WDR33: variants seen among roughly 807,000 people sequenced by gnomAD.
WDR33 encodes WD repeat domain 33.
A neutral mutation model predicts 164.9 loss-of-function variants in WDR33; 47 were observed. The observed-to-expected ratio is 0.29, with a 90% CI of 0.23 to 0.36. The LOEUF (loss-of-function observed/expected upper bound fraction) is 0.36. WDR33 is among the 10% of genes least tolerant of loss of function. The pLI, the probability that WDR33 is intolerant of heterozygous loss-of-function variation, is 1.00. For missense variants in WDR33, 1,137 were observed against 1,754.1 expected, an observed-to-expected ratio of 0.65 and a Z score of 6.28; for synonymous variants, 505 against 589.0, an observed-to-expected ratio of 0.86 and a Z score of 2.06.
rs1037537741 is a variant in WDR33, at chr2:127,717,714, C to T, written c.2761-451G>A. On this transcript the variant is annotated intron_variant, in intron 16 of 21. Transcript: ENST00000322313. This position sits in a 1 kb window ranked among gnomAD's most constrained non-coding sequence, Gnocchi z 5.6. ...TATCAGATCTTCAGACTCATTCTAC[C>T]AGTATTTCTATAGGTCAATTAAAAT... Among the ~76,000 whole-genome samples the T allele has an allele frequency of 2.0e-5, 3 of 152,160 alleles. No individual in the cohort carries two copies. The highest frequency in any genetic ancestry group is 7.2e-5 in the African/African-American group (3 of 41,428).
intron 1 of WDR33, among the ~76,000 whole-genome samples, chr2:127,807,546 A>C (rs1481390095): frequency 6.6e-6 from 1 of 152,216 alleles, no homozygotes; most frequent in Non-Finnish European, 1.5e-5. Context: ...CACAGACACT[A>C]GACTAACTAA....
In WDR33 at chr2:127,706,211, GAA is replaced by G; in HGVS notation, c.*110_*111del. Reference sequence around the variant, plus strand: ...AGGGTTCCTGGGATTCAGGTGCCCAGAAAAGAGTTCAGGGCTACAATGGTGCA... The same window carrying G: ...AGGGTTCCTGGGATTCAGGTGCCCAGAAGAGTTCAGGGCTACAATGGTGCA... On this transcript the variant is annotated 3_prime_UTR_variant, in exon 22 of 22. Coordinates refer to ENST00000322313, the MANE Select transcript of WDR33 (RefSeq NM_018383.5). The surrounding 1 kb of genome is among the most constrained non-coding windows in gnomAD (Gnocchi z 5.1). 9.7e-7 allele frequency: 1 copy of G among 1,027,268 alleles called. No homozygotes were observed. Among genetic ancestry groups the G allele is most frequent in the Non-Finnish European group, 1.3e-6 (1 of 743,524 alleles). 63.6% of individuals were successfully genotyped at this position (1,027,268 alleles called of 1,614,324 possible).
Position 127,702,065 on chromosome 2 carries a change from G to T in WDR33, c.*4258C>A. ...TGGGCGCGGGCGCGCAGGTGGCCGC[G>T]CTGCTGGCCGCGCTGGTTGGGCTGC... On this transcript the variant is annotated 3_prime_UTR_variant, in exon 22 of 22. Coordinates refer to ENST00000322313, the MANE Select transcript of WDR33 (RefSeq NM_018383.5). 2.5e-6 allele frequency: 3 copies of T among 1,208,804 alleles called. No individual in the cohort carries two copies. The highest frequency in any genetic ancestry group is 3.5e-5 in the East Asian group (1 of 28,544). The allele number at this position is 1,208,804 out of a possible 1,614,324, so 74.9% of individuals were successfully genotyped here.
At chr2:127,760,849 C>A (rs555672698) in intron 7 of WDR33, among the ~76,000 whole-genome samples, 8 of 152,162 alleles carry the variant, frequency 5.3e-5, no homozygotes, top group African/African-American at 1.9e-4. Context: ...GCTCATTATA[C>A]CTTTGTACAT....
chr2:127,793,831 G>A (rs1373356140), intron 1 of WDR33, among the ~76,000 whole-genome samples: 1 of 151,732 alleles, frequency 6.6e-6, no homozygotes, highest in Non-Finnish European at 1.5e-5. Flanking sequence ...CCAGAATTAA[G>A]TTTTAAGAAA....
intron 7 of WDR33, among the ~76,000 whole-genome samples, chr2:127,742,867 A>AC (rs1034466808): frequency 6.6e-6 from 1 of 150,946 alleles, no homozygotes. Flanking sequence ...AGTTAAAAAA[A>AC]AAAAAACAAA....
In WDR33 at chr2:127,722,730, C is replaced by T. The variant is rs551255875; in HGVS notation, c.1379G>A (p.Gly460Glu). The T allele has an allele frequency of 6.2e-7, 1 of 1,613,170 alleles. No individual in the cohort carries two copies. The highest frequency in any genetic ancestry group is 8.5e-7 in the Non-Finnish European group (1 of 1,179,728). Residue 460 changes from glycine (G) to glutamate (E), a missense_variant and splice_region_variant, in exon 14 of 22, where the codon GGG becomes GAG. By Grantham distance (98) the Gly-to-Glu change is moderately conservative. Transcript: ENST00000322313. This position sits in a 1 kb window ranked among gnomAD's most constrained non-coding sequence, Gnocchi z 5.1. ...TTCAATTTCATTTGATTCATCTTTC[C>T]CTGTAACCGTAAAGAAAAGTGGTTT... ...LKLAMEQEQM[G>E]KDESNEIEMT...
chr2:127,796,651 A>T (rs976961201), intron 1 of WDR33, among the ~76,000 whole-genome samples: 1 of 151,830 alleles, frequency 6.6e-6, no homozygotes, highest in South Asian at 2.1e-4. Context: ...AGTTTTCTTC[A>T]TTACATGCTT....
chr2:127,750,648 C>A (rs1687297880), intron 7 of WDR33, among the ~76,000 whole-genome samples: 1 of 33,500 alleles, frequency 3.0e-5, no homozygotes, highest in Non-Finnish European at 5.2e-5. Context: ...GAAACTCCAT[C>A]TTAAAAAAAA....
In WDR33 at chr2:127,722,924, T is replaced by G. The variant is rs113206268; in HGVS notation, c.1378+34A>C. ...CATAAACGGGTCAAGAAAAAATTTG[T>G]AAAAATTAAATGTGTCTGTGTAACT... On this transcript the variant is annotated intron_variant, in intron 13 of 21. Transcript: ENST00000322313. The surrounding 1 kb of genome is among the most constrained non-coding windows in gnomAD (Gnocchi z 5.1). 9 of 1,569,304 alleles carry G rather than the reference T, an allele frequency of 5.7e-6. No homozygotes were observed. The highest frequency in any genetic ancestry group is 4.1e-5 in the African/African-American group (3 of 72,798).
rs930780898 is a variant in WDR33 at position 127,763,717 on chromosome 2, T to G, written c.627-558A>C. 2 of 985,530 alleles carry G rather than the reference T, an allele frequency of 2.0e-6. No individual in the cohort carries two copies. Among genetic ancestry groups the G allele is most frequent in the African/African-American group, 3.5e-5 (2 of 57,242 alleles). The allele number at this position is 985,530 out of a possible 1,614,324, so 61.0% of individuals were successfully genotyped here. A position where few individuals can be genotyped will look rare whatever the true frequency, so the allele number is the denominator to read the frequency against. On this transcript the variant is annotated intron_variant, in intron 6 of 21. Coordinates refer to ENST00000322313, the MANE Select transcript of WDR33 (RefSeq NM_018383.5). This position sits in a 1 kb window ranked among gnomAD's most constrained non-coding sequence, Gnocchi z 4.5. ...TCCTGGCAAGCTATTCCATGAATGT[T>G]GCACCTTTGAGGAAAACTTTAAAAT...
intron 1 of WDR33, among the ~76,000 whole-genome samples, chr2:127,787,330 A>G (rs1688616779): frequency 8.9e-6 from 1 of 112,030 alleles, no homozygotes; most frequent in Non-Finnish European, 1.8e-5. Context: ...TATTCCACAA[A>G]GCCGCCACTG....
intron 7 of WDR33, among the ~76,000 whole-genome samples, chr2:127,757,417 T>C (rs1307178545): frequency 6.6e-6 from 1 of 152,188 alleles, no homozygotes; most frequent in Non-Finnish European, 1.5e-5. Flanking sequence ...TCTTATGATA[T>C]AATTATTTAC....
chr2:127,797,014 G>A (rs948163082), intron 1 of WDR33, among the ~76,000 whole-genome samples: 2 of 151,956 alleles, frequency 1.3e-5, no homozygotes, highest in African/African-American at 4.8e-5. Flanking sequence ...AATACTCACA[G>A]TGCACCACCA....
chr2:127,722,114 T>C lies in WDR33; in HGVS notation c.1519-126A>G. On this transcript the variant is annotated intron_variant, in intron 14 of 21. Transcript: ENST00000322313. The surrounding 1 kb of genome is among the most constrained non-coding windows in gnomAD (Gnocchi z 5.1). ...TGAACCGATTTTATTTCTTTTTACCTTTTCTCCATGACTCAAGTACATGAC... is the reference window on the plus strand; with the variant it reads ...TGAACCGATTTTATTTCTTTTTACCCTTTCTCCATGACTCAAGTACATGAC... The C allele has an allele frequency of 1.8e-6, 2 of 1,112,390 alleles. No individual in the cohort carries two copies. Among genetic ancestry groups the C allele is most frequent in the Admixed American group, 2.8e-5 (1 of 35,138 alleles). 68.9% of individuals were successfully genotyped at this position (1,112,390 alleles called of 1,614,324 possible). A position where few individuals can be genotyped will look rare whatever the true frequency, so the allele number is the denominator to read the frequency against.
intron 1 of WDR33, among the ~76,000 whole-genome samples, chr2:127,781,259 TTA>T (rs1224158377): frequency 6.6e-6 from 1 of 152,190 alleles, no homozygotes; most frequent in Non-Finnish European, 1.5e-5. Context: ...TACGCTTCAT[TTA>T]TATGACATTC....
chr2:127,778,439 GAAA>G (rs5834186), intron 1 of WDR33, among the ~76,000 whole-genome samples: 1 of 123,772 alleles, frequency 8.1e-6, no homozygotes, highest in Non-Finnish European at 1.8e-5. Context: ...TCCATCTCAA[GAAA>G]AAAAAAAAAA....
At chr2:127,781,157 C>T (rs142473449) in intron 1 of WDR33, among the ~76,000 whole-genome samples, 1 of 152,182 alleles carries the variant, frequency 6.6e-6, no homozygotes, top group Admixed American at 6.5e-5. Flanking sequence ...AGCCACCATG[C>T]CCGGCCCAAT....
intron 1 of WDR33, among the ~76,000 whole-genome samples, chr2:127,794,833 C>CAAAAAAAAA (rs990234716): frequency 1.3e-5 from 1 of 79,262 alleles, no homozygotes; most frequent in Non-Finnish European, 2.8e-5. Flanking sequence ...GACTCCGTTT[C>CAAAAAAAAA]AAAAAAAAAA....
Sources: gnomAD v4.1 joint callset for allele counts (sites outside exome capture counted in the v4.1 genomes callset) on GRCh38, gnomAD v4.1.1 for gene constraint, Gnocchi (gnomAD v3.1) non-coding constraint, MANE v1.5 for transcripts, NCBI Gene and HGNC (gene_info 2026-07-23, HGNC 2026-07-21) for gene names.